CRPPA: variants seen among roughly 807,000 people sequenced by gnomAD.
CRPPA encodes D-ribitol-5-phosphate cytidylyltransferase.
Under a neutral mutation model 52.0 loss-of-function variants are expected in CRPPA, and 43 were observed. The observed-to-expected ratio is 0.83, with a 90% CI of 0.65 to 1.07. The LOEUF (loss-of-function observed/expected upper bound fraction) is 1.07. CRPPA is among the 50% of genes least tolerant of loss of function. CRPPA has a pLI of 0.00. For synonymous variants in CRPPA, 250 were observed against 203.5 expected (o/e 1.23, Z -1.94); for missense variants, 629 against 551.7 (o/e 1.14, Z -1.40).
At chr7:16,130,701 T>C (rs1415822149) in intron 9 of CRPPA, among the ~76,000 whole-genome samples, 2 of 152,176 alleles carry the variant, frequency 1.3e-5, no homozygotes, top group Non-Finnish European at 2.9e-5. Context: ...ATTTTTAAAA[T>C]TAGGTCCAGA....
intron 8 of CRPPA, among the ~76,000 whole-genome samples, chr7:16,253,402 T>C (rs1398251645): frequency 4.6e-5 from 7 of 152,328 alleles, no homozygotes; most frequent in South Asian, 2.1e-4. Flanking sequence ...AGTTTCCATG[T>C]AGTTGTACAG....
intron 2 of CRPPA, among the ~76,000 whole-genome samples, chr7:16,395,202 T>C (rs1050487082): frequency 7.2e-5 from 11 of 152,154 alleles, no homozygotes; most frequent in Non-Finnish European, 7.4e-5. Flanking sequence ...ATTACTTGTC[T>C]CTCAAGCTAA....
chr7:16,344,480 G>C (rs1785954790), intron 3 of CRPPA, among the ~76,000 whole-genome samples: 1 of 150,084 alleles, frequency 6.7e-6, no homozygotes, highest in South Asian at 2.1e-4. Context: ...TGGATCACTT[G>C]AGCCTGGAAG....
intron 9 of CRPPA, among the ~76,000 whole-genome samples, chr7:16,166,094 C>A (rs955590294): frequency 1.4e-4 from 21 of 152,196 alleles, no homozygotes; most frequent in African/African-American, 4.8e-4. Context: ...ATTGTTGGTA[C>A]ACAAAGTCAA....
At chr7:16,414,914 A>G (rs1788159297) in intron 1 of CRPPA, among the ~76,000 whole-genome samples, 1 of 152,214 alleles carries the variant, frequency 6.6e-6, no homozygotes, top group South Asian at 2.1e-4. Context: ...AGATTGGAGT[A>G]TATTAACCTA....
intron 3 of CRPPA, among the ~76,000 whole-genome samples, chr7:16,369,665 T>C (rs776349029): frequency 6.6e-6 from 1 of 152,068 alleles, no homozygotes; most frequent in South Asian, 2.1e-4. Flanking sequence ...ACAAAATAAG[T>C]ATGATCTTTT....
chr7:16,285,829 C>A lies in CRPPA; in HGVS notation c.836-7603G>T, dbSNP rs1232828431. Among the ~76,000 whole-genome samples the A allele has an allele frequency of 2.7e-5, 4 of 150,492 alleles. No homozygotes were observed. In the Admixed American group the frequency reaches 2.7e-4, roughly 10 times the overall value. ...CCTGAGGTCAGGAGTACAAGACAAG[C>A]CTGGCTAAGGTGAAACCCCATTTCC... On this transcript the variant is annotated intron_variant, in intron 5 of 9. Coordinates refer to ENST00000407010, the MANE Select transcript of CRPPA (RefSeq NM_001101426.4).
At chr7:16,345,509 A>G (rs936563119) in intron 3 of CRPPA, among the ~76,000 whole-genome samples, 1 of 152,202 alleles carries the variant, frequency 6.6e-6, no homozygotes, top group Non-Finnish European at 1.5e-5. Flanking sequence ...TTTATATGAC[A>G]ACTATAGAGA....
chr7:16,249,241 G>C (rs1452819967), intron 8 of CRPPA, among the ~76,000 whole-genome samples: 2 of 152,142 alleles, frequency 1.3e-5, no homozygotes, highest in African/African-American at 4.8e-5. Flanking sequence ...GGGGCTTATA[G>C]ATAAAACCCC....
chr7:16,209,863 GA>G (rs1335686227), intron 9 of CRPPA, among the ~76,000 whole-genome samples: 1 of 152,122 alleles, frequency 6.6e-6, no homozygotes, highest in African/African-American at 2.4e-5. Context: ...AGTAACTTGA[GA>G]ATGGCCACAA....
intron 2 of CRPPA, among the ~76,000 whole-genome samples, chr7:16,402,179 T>C (rs1450748800): frequency 1.3e-5 from 2 of 152,182 alleles, no homozygotes; most frequent in Non-Finnish European, 2.9e-5. Flanking sequence ...GCAAGCAAAA[T>C]TATCTTGGCT....
At chr7:16,220,778 C>G (rs1282882672) in intron 8 of CRPPA, among the ~76,000 whole-genome samples, 2 of 151,812 alleles carry the variant, frequency 1.3e-5, no homozygotes, top group Admixed American at 1.3e-4. Flanking sequence ...CAAACCACTG[C>G]TCAGGGAAAT....
intron 3 of CRPPA, among the ~76,000 whole-genome samples, chr7:16,342,782 A>AAAAAAAAAAAAATATAT (rs1554335212): frequency 1.2e-4 from 9 of 76,498 alleles, no homozygotes; most frequent in East Asian, 2.6e-4. Context: ...AAAAAAAAAA[A>AAAAAAAAAAAAATATAT]ATATATATAT....
chr7:16,322,364 T>G (rs1785282690), intron 3 of CRPPA, among the ~76,000 whole-genome samples: 1 of 152,122 alleles, frequency 6.6e-6, no homozygotes, highest in Non-Finnish European at 1.5e-5. Flanking sequence ...TGAACTGGCA[T>G]CTTTAAGGTG....
chr7:16,249,750 A>AGATAAAACCAC (rs2128409216), intron 8 of CRPPA, among the ~76,000 whole-genome samples: 1 of 152,348 alleles, frequency 6.6e-6, no homozygotes, highest in East Asian at 1.9e-4. Context: ...GACCAAAGGT[A>AGATAAAACCAC]GATAAAACCA....
chr7:16,375,200 T>G (rs562826658), intron 3 of CRPPA, among the ~76,000 whole-genome samples: 11 of 152,196 alleles, frequency 7.2e-5, no homozygotes, highest in Non-Finnish European at 1.5e-4. Flanking sequence ...ACTTTCTGCA[T>G]TAAGTTTCTG....
chr7:16,244,710 G>C (rs2128407674), intron 8 of CRPPA, among the ~76,000 whole-genome samples: 1 of 152,214 alleles, frequency 6.6e-6, no homozygotes, highest in East Asian at 1.9e-4. Context: ...CCATTGAAAA[G>C]CCTCATAAAT....
chr7:16,189,451 A>G (rs1192684296), intron 9 of CRPPA, among the ~76,000 whole-genome samples: 1 of 152,160 alleles, frequency 6.6e-6, no homozygotes, highest in Non-Finnish European at 1.5e-5. Flanking sequence ...CATATTTACC[A>G]TTTGACAAGT....
chr7:16,217,784 G>C (rs1187939738), intron 8 of CRPPA, among the ~76,000 whole-genome samples: 1 of 149,842 alleles, frequency 6.7e-6, no homozygotes, highest in East Asian at 2.0e-4. Flanking sequence ...AGAAATATGG[G>C]ACTATGTGAA....
Sources: allele counts gnomAD v4.1 joint callset (sites outside exome capture counted in the v4.1 genomes callset), GRCh38; gene constraint gnomAD v4.1.1; transcripts MANE v1.5; gene names NCBI Gene and HGNC (gene_info 2026-07-23, HGNC 2026-07-21).